Variants in DNAJC24 observed in about 807,000 individuals in gnomAD.
DNAJC24 encodes dnaJ homolog subfamily C member 24.
In DNAJC24, 17 loss-of-function variants were observed where a neutral mutation model predicts 18.0. The observed-to-expected ratio is 0.94, with a 90% CI of 0.65 to 1.42. The LOEUF is 1.42. Among genes scored for constraint, DNAJC24 ranks in the 40% most tolerant of loss-of-function variants. The probability of loss-of-function intolerance (pLI) is 0.00; values close to 1 mark genes in which losing one functional copy is unlikely to be tolerated. For synonymous variants in DNAJC24, 55 were observed against 57.7 expected (o/e 0.95, Z 0.21); for missense variants, 158 against 175.6 (o/e 0.90, Z 0.57).
intron 3 of DNAJC24, among the ~76,000 whole-genome samples, chr11:31,423,993 T>A (rs1952836314): frequency 6.6e-6 from 1 of 152,146 alleles, no homozygotes; most frequent in Non-Finnish European, 1.5e-5. Context: ...GCCACTTTTT[T>A]GAGTAAGTAG....
rs368814697 is a variant in DNAJC24, at chr11:31,372,881, C to T, written c.111+2022C>T. The stretch of plus-strand genomic sequence containing the variant: ...CAGGATCCTAGATGCCAGTAACAAC[C>T]AAAAATGCCGCCTGCATGTCAAAAT... On this transcript the variant is annotated intron_variant, in intron 2 of 4. Transcript: ENST00000465995. Among the ~76,000 whole-genome samples the T allele has an allele frequency of 5.4e-4, 72 of 134,350 alleles. 8 individuals are homozygous for T. The East Asian group carries it at 8.2e-3, about 15-fold the overall frequency. The allele number at this position is 134,350 out of a possible 152,430, so 88.1% of individuals were successfully genotyped here.
intron 2 of DNAJC24, among the ~76,000 whole-genome samples, chr11:31,383,704 T>C (rs1952400862): frequency 6.6e-6 from 1 of 152,296 alleles, no homozygotes; most frequent in East Asian, 1.9e-4. Context: ...GGAAAAGAAA[T>C]GCCCCCCGGA....
At position 31,414,937 on chromosome 11, in the gene DNAJC24, C is replaced by T. The variant is rs1591918448; in HGVS notation, c.238C>T (p.Leu80=). The T allele has an allele frequency of 1.2e-6, 2 of 1,613,362 alleles. No homozygotes were observed. Among genetic ancestry groups the T allele is most frequent in the East Asian group, 2.2e-5 (1 of 44,820 alleles). ...TGAAGAGACAAAAAGAGAGTATGAC[C>T]TGCAGCGGTGTGGTAGGTGCTTGTG... ...GNEETKREYD[L]QRCEDDLRNV... is the part of the protein sequence containing the mutation. The change falls in exon 3 of 5, where the codon CTG becomes TTG. Residue 80 remains leucine, a synonymous_variant. Coordinates refer to ENST00000465995, the MANE Select transcript of DNAJC24 (RefSeq NM_181706.5).
intron 2 of DNAJC24, among the ~76,000 whole-genome samples, chr11:31,403,092 C>T (rs948385700): frequency 6.6e-6 from 1 of 151,762 alleles, no homozygotes; most frequent in African/African-American, 2.4e-5. Context: ...TTAAAAATCA[C>T]AAATGTCCTT....
chr11:31,413,422 C>T (rs565163711), intron 2 of DNAJC24, among the ~76,000 whole-genome samples: 46 of 150,812 alleles, frequency 3.1e-4, no homozygotes, highest in Non-Finnish European at 5.3e-4. Context: ...GCTCTGCCTC[C>T]CGGGTTCACG....
At chr11:31,413,621 T>C (rs532712365) in intron 2 of DNAJC24, among the ~76,000 whole-genome samples, 58 of 152,218 alleles carry the variant, frequency 3.8e-4, no homozygotes, top group East Asian at 2.7e-3. Flanking sequence ...CGTGAGCCAC[T>C]GCACCCGGCC....
intron 2 of DNAJC24, among the ~76,000 whole-genome samples, chr11:31,377,888 G>A (rs569028748): frequency 6.6e-5 from 10 of 152,110 alleles, no homozygotes; most frequent in Non-Finnish European, 1.2e-4. Context: ...AGTCAGGAGT[G>A]TGCAGGATGG....
At chr11:31,375,415 T>C (rs1952303936) in intron 2 of DNAJC24, among the ~76,000 whole-genome samples, 1 of 135,084 alleles carries the variant, frequency 7.4e-6, no homozygotes, top group Admixed American at 7.6e-5. Context: ...AGCTGTTAGA[T>C]AAGGAGAATG....
Position 31,384,674 on chromosome 11 carries a change from A to G in DNAJC24, c.111+13815A>G, listed in dbSNP as rs1418086284. 2.0e-5 allele frequency: 3 copies of G among 152,182 alleles called. No individual in the cohort carries two copies. In the East Asian group the frequency reaches 5.8e-4, roughly 29 times the overall value. The allele number at this position is 152,182 out of a possible 1,614,324, so 9.4% of individuals were successfully genotyped here. On this transcript the variant is annotated intron_variant, in intron 2 of 4. Transcript: ENST00000465995. ...GCCACACAGCATGTGAAGTGATTTG[A>G]CCTGTAGCAATCTTTGAACCAGTGT...
At chr11:31,378,507 A>G (rs1192840350) in intron 2 of DNAJC24, among the ~76,000 whole-genome samples, 1 of 152,214 alleles carries the variant, frequency 6.6e-6, no homozygotes, top group African/African-American at 2.4e-5. Flanking sequence ...AAAGTGCAAT[A>G]TCATTATTAT....
chr11:31,429,032 A>T lies in DNAJC24; in HGVS notation c.320-1239A>T, dbSNP rs1181041356. Among the ~76,000 whole-genome samples, 6 of 152,162 alleles carry T rather than the reference A, an allele frequency of 3.9e-5. No individual in the cohort carries two copies. The East Asian group carries it at 1.2e-3, about 29-fold the overall frequency. On this transcript the variant is annotated intron_variant, in intron 4 of 4. Coordinates refer to ENST00000465995, the MANE Select transcript of DNAJC24 (RefSeq NM_181706.5). ...AGGAAAATCAATGGTTAGAATATGT[A>T]TCTTTTTAGACAATTTAATAATAAA...
intron 2 of DNAJC24, among the ~76,000 whole-genome samples, chr11:31,413,377 C>T (rs1952726209): frequency 1.5e-5 from 2 of 136,306 alleles, no homozygotes; most frequent in South Asian, 4.5e-4. Flanking sequence ...GTCGCCCAGG[C>T]TGGAGTGCAG....
intron 2 of DNAJC24, among the ~76,000 whole-genome samples, chr11:31,411,822 A>G (rs1232363988): frequency 6.6e-6 from 1 of 152,212 alleles, no homozygotes; most frequent in East Asian, 1.9e-4. Flanking sequence ...GGTACCAGAT[A>G]TTGGGACTTT....
intron 3 of DNAJC24, among the ~76,000 whole-genome samples, chr11:31,424,320 C>A (rs1372977821): frequency 1.3e-5 from 2 of 152,104 alleles, no homozygotes; most frequent in African/African-American, 4.8e-5. Context: ...ATTTATTACA[C>A]CTGTTTTTAC....
intron 2 of DNAJC24, among the ~76,000 whole-genome samples, chr11:31,402,109 C>T (rs369484646): frequency 6.6e-6 from 1 of 152,142 alleles, no homozygotes; most frequent in Non-Finnish European, 1.5e-5. Context: ...CATATATAGA[C>T]GGTGTAGCCT....
chr11:31,391,044 C>T (rs1310415915), intron 2 of DNAJC24, among the ~76,000 whole-genome samples: 1 of 152,072 alleles, frequency 6.6e-6, no homozygotes. Flanking sequence ...AAGGATGGTT[C>T]AGCATACATA....
chr11:31,384,704 T>A (rs1218537082), intron 2 of DNAJC24: 1 of 152,230 alleles, frequency 6.6e-6, no homozygotes. Flanking sequence ...CAGTGTTTTG[T>A]CTACACCTAT....
intron 2 of DNAJC24, among the ~76,000 whole-genome samples, chr11:31,401,658 A>C (rs1952602637): frequency 6.6e-6 from 1 of 152,154 alleles, no homozygotes; most frequent in Admixed American, 6.5e-5. Context: ...ATTTAGCAGA[A>C]GTTTTAAAAA....
chr11:31,413,533 T>A (rs928176994), intron 2 of DNAJC24, among the ~76,000 whole-genome samples: 1 of 151,842 alleles, frequency 6.6e-6, no homozygotes, highest in South Asian at 2.1e-4. Context: ...AGGGTTTCAC[T>A]GTGTTAGCCA....
Sources: allele counts gnomAD v4.1 joint callset (sites outside exome capture counted in the v4.1 genomes callset), GRCh38; gene constraint gnomAD v4.1.1; transcripts MANE v1.5; gene names NCBI Gene and HGNC (gene_info 2026-07-23, HGNC 2026-07-21).